Variants in CST9L observed in about 807,000 individuals in gnomAD.
CST9L encodes cystatin-9-like.
Under a neutral mutation model 13.2 loss-of-function variants are expected in CST9L, and 17 were observed. That is an observed-to-expected ratio of 1.29 (90% CI 0.88 to 1.93). CST9L has a LOEUF of 1.93. Ranked by LOEUF, CST9L falls within the 30% of genes most tolerant of loss-of-function variation. CST9L has a pLI of 0.00. For missense variants in CST9L, 170 were observed against 170.5 expected (o/e 1.00, Z 0.02); for synonymous variants, 78 against 69.1 (o/e 1.13, Z -0.64).
At chr20:23,565,059 G>C in intron 2 of CST9L, 22 bp from the exon 3 acceptor site, 1 of 1,565,668 alleles carries the variant, frequency 6.4e-7, no homozygotes, top group African/African-American at 1.4e-5. Flanking sequence ...AGCACAGGAA[G>C]GGACAGTGGG....
chr20:23,564,790 G>A lies in CST9L; in HGVS notation c.*158C>T. On this transcript the variant is annotated 3_prime_UTR_variant, in exon 3 of 3. Coordinates refer to ENST00000376979, the MANE Select transcript of CST9L (RefSeq NM_080610.3). ...TACATGATTAGGCTCAAGATGTGTG[G>A]ATTTTCTAAAACACTGATCTGAGAT... 1 of 635,924 alleles carries A rather than the reference G, an allele frequency of 1.6e-6. No homozygotes were observed. The highest frequency in any genetic ancestry group is 2.9e-6 in the Non-Finnish European group (1 of 350,010). 39.4% of individuals were successfully genotyped at this position (635,924 alleles called of 1,614,324 possible). A position where few individuals can be genotyped will look rare whatever the true frequency, so the allele number is the denominator to read the frequency against.
chr20:23,566,104 GATTAA>G lies in CST9L; in HGVS notation c.241-22_241-18del. ...GGACTCCACCTATTGCACACAGAGA[GATTAA>G]TGTGAACACACCCTCCTTGTTGCCC... is the stretch of plus-strand genomic sequence containing the variant. On this transcript the variant is annotated intron_variant, in intron 1 of 2. Transcript: ENST00000376979. 2 of 1,366,164 alleles carry G rather than the reference GATTAA, an allele frequency of 1.5e-6. No individual in the cohort carries two copies. Among genetic ancestry groups the G allele is most frequent in the Non-Finnish European group, 2.1e-6 (2 of 953,446 alleles). 84.6% of individuals were successfully genotyped at this position (1,366,164 alleles called of 1,614,324 possible). A position where few individuals can be genotyped will look rare whatever the true frequency, so the allele number is the denominator to read the frequency against.
intron 1 of CST9L, among the ~76,000 whole-genome samples, chr20:23,566,401 C>T (rs778764477): frequency 7.9e-5 from 12 of 152,188 alleles, no homozygotes; most frequent in Admixed American, 4.6e-4. Context: ...CAGAGGATGG[C>T]GCTATGTGCC....
chr20:23,567,680 A>T (rs1989117468), intron 1 of CST9L, among the ~76,000 whole-genome samples: 1 of 152,150 alleles, frequency 6.6e-6, no homozygotes, highest in Non-Finnish European at 1.5e-5. Context: ...TCTTCAGTTT[A>T]TTAAGTGCAG....
chr20:23,566,625 C>T (rs1365587357), intron 1 of CST9L, among the ~76,000 whole-genome samples: 2 of 152,158 alleles, frequency 1.3e-5, no homozygotes, highest in African/African-American at 4.8e-5. Flanking sequence ...GTGGCTCACA[C>T]CTGTAATCCC....
intron 1 of CST9L, 59 bp downstream of exon 1, chr20:23,568,152 C>G (rs1275088813): frequency 6.3e-7 from 1 of 1,597,836 alleles, no homozygotes; most frequent in Non-Finnish European, 8.6e-7. Context: ...ACCCCACTCC[C>G]ATTTTTCACT....
chr20:23,568,333 G>T lies in CST9L; in HGVS notation c.118C>A (p.His40Asn), dbSNP rs1166591364. 1 of 1,614,204 alleles carries T rather than the reference G, an allele frequency of 6.2e-7. No homozygotes were observed. Among genetic ancestry groups the T allele is most frequent in the South Asian group, 1.1e-5 (1 of 91,080 alleles). Residue 40 changes from histidine to asparagine, a missense_variant, in exon 1 of 3, where the codon CAC becomes AAC. By Grantham distance (68) the His-to-Asn change is moderately conservative. Coordinates refer to ENST00000376979, the MANE Select transcript of CST9L (RefSeq NM_080610.3). ...GGGAGGTAACGAGCCATGACATTGT[G>T]TTCATCACAGTCCCTTTGCTCGTGG... ...HFHEQRDCDE[H>N]NVMARYLPAT...
intron 2 of CST9L, 63 bp from the exon 3 acceptor site, chr20:23,565,100 G>T: frequency 8.5e-7 from 1 of 1,170,546 alleles, no homozygotes; most frequent in Non-Finnish European, 1.3e-6. Flanking sequence ...CATGGCTCAA[G>T]CTCTGAACAA....
At chr20:23,565,950 A>T (rs2122338691) in intron 2 of CST9L, 24 bp downstream of exon 2, 1 of 1,249,266 alleles carries the variant, frequency 8.0e-7, no homozygotes, top group Non-Finnish European at 1.2e-6. Context: ...TGTATCCAGG[A>T]GGGAAGCTGG....
chr20:23,565,132 C>T, intron 2 of CST9L, 95 bp from the exon 3 acceptor site: 1 of 884,960 alleles, frequency 1.1e-6, no homozygotes. Context: ...CCACATTGCC[C>T]TTTCCCAGGT....
intron 1 of CST9L, 23 bp downstream of exon 1, chr20:23,568,188 C>A: frequency 6.2e-7 from 1 of 1,613,896 alleles, no homozygotes; most frequent in Non-Finnish European, 8.5e-7. Context: ...GATGCCAGGG[C>A]AGGAGGGTAC....
At chr20:23,566,934 T>A (rs1989105731) in intron 1 of CST9L, among the ~76,000 whole-genome samples, 1 of 152,128 alleles carries the variant, frequency 6.6e-6, no homozygotes, top group Admixed American at 6.6e-5. Flanking sequence ...TATTGCAAAG[T>A]GCACCTTGAT....
intron 2 of CST9L, 64 bp downstream of exon 2, chr20:23,565,910 C>G: frequency 1.1e-6 from 1 of 905,954 alleles, no homozygotes; most frequent in South Asian, 1.3e-5. Context: ...GCACCTGTGC[C>G]CACACCACAC....
In CST9L at chr20:23,566,018, C is replaced by T. The variant is rs545793477; in HGVS notation, c.310G>A (p.Asp104Asn). ...TCTTGGAAATGGCAGTTGTCAATGT[C>T]GTCTTCAAATTTCCCACACCTAGTT... The part of the protein sequence containing the change: ...GRTRCGKFED[D>N]IDNCHFQEST... Residue 104 changes from aspartate (D) to asparagine (N), a missense_variant, in exon 2 of 3, where the codon GAC becomes AAC. Asp to Asn is a conservative substitution (Grantham distance 23). Coordinates refer to ENST00000376979, the MANE Select transcript of CST9L (RefSeq NM_080610.3). 2.2e-5 allele frequency: 35 copies of T among 1,611,014 alleles called. No individual in the cohort carries two copies. Among genetic ancestry groups the T allele is most frequent in the Admixed American group, 1.5e-4 (9 of 60,010 alleles).
chr20:23,566,776 C>G (rs145500085), intron 1 of CST9L, among the ~76,000 whole-genome samples: 1 of 151,940 alleles, frequency 6.6e-6, no homozygotes, highest in African/African-American at 2.4e-5. Context: ...CCCAGCTACT[C>G]GGGAGGGAGG....
intron 2 of CST9L, among the ~76,000 whole-genome samples, chr20:23,565,436 AG>A (rs1989078822): frequency 6.6e-6 from 1 of 152,144 alleles, no homozygotes; most frequent in Non-Finnish European, 1.5e-5. Context: ...AAGCATAGGA[AG>A]AGTTTTCCCA....
At chr20:23,566,254 AC>A (rs1989094719) in intron 1 of CST9L, among the ~76,000 whole-genome samples, 167 bp from the exon 2 acceptor site, 1 of 152,218 alleles carries the variant, frequency 6.6e-6, no homozygotes, top group Non-Finnish European at 1.5e-5. Flanking sequence ...GCAGTTAAGA[AC>A]AAAAAGCGGA....
At chr20:23,566,838 A>G (rs1989103697) in intron 1 of CST9L, among the ~76,000 whole-genome samples, 1 of 152,136 alleles carries the variant, frequency 6.6e-6, no homozygotes, top group African/African-American at 2.4e-5. Flanking sequence ...CAGGGAGCTG[A>G]GATTGTGCCA....
chr20:23,567,732 G>A (rs1989118183), intron 1 of CST9L, among the ~76,000 whole-genome samples: 1 of 152,132 alleles, frequency 6.6e-6, no homozygotes, highest in African/African-American at 2.4e-5. Flanking sequence ...CAGCAAAGAG[G>A]AACTGACCAC....
Sources: allele counts gnomAD v4.1 joint callset (sites outside exome capture counted in the v4.1 genomes callset), GRCh38; gene constraint gnomAD v4.1.1; transcripts MANE v1.5; gene names NCBI Gene and HGNC (gene_info 2026-07-23, HGNC 2026-07-21).